LIMK2: variants seen among roughly 807,000 people sequenced by gnomAD.
The protein encoded by LIMK2 is LIM domain kinase 2.
A neutral mutation model predicts 75.7 loss-of-function variants in LIMK2; 35 were observed. The observed-to-expected ratio is 0.46, with a 90% confidence interval of 0.35 to 0.61. LIMK2 has a LOEUF of 0.61. Among genes scored for constraint, LIMK2 ranks in the 20% least tolerant of loss-of-function variants. The probability of loss-of-function intolerance (pLI) is 0.00; values close to 1 mark genes in which losing one functional copy is unlikely to be tolerated. For synonymous variants in LIMK2, 301 were observed against 319.2 expected (o/e 0.94, Z 0.61); for missense variants, 623 against 831.0 (o/e 0.75, Z 3.08).
intron 2 of LIMK2, 107 bp downstream of exon 2, chr22:31,225,926 CT>C: frequency 1.2e-6 from 1 of 860,458 alleles, no homozygotes; most frequent in Non-Finnish European, 1.9e-6. Context: ...GAATTTCAAT[CT>C]TAGGGTGGGG....
In LIMK2 at chr22:31,262,803, C is replaced by A; in HGVS notation, c.854+12C>A. 6.4e-7 allele frequency: 1 copy of A among 1,574,216 alleles called. No individual in the cohort carries two copies. The highest frequency in any genetic ancestry group is 8.6e-7 in the Non-Finnish European group (1 of 1,157,266). The stretch of plus-strand genomic sequence containing the variant: ...AGACGTTCCCTAAGGTGCCACCTCC[C>A]ACCCTGGCTCTGTTCTGTCCTATGT... On this transcript the variant is annotated intron_variant, in intron 7 of 15. Transcript: ENST00000331728. The surrounding 1 kb of genome is among the most constrained non-coding windows in gnomAD (Gnocchi z 5.0).
rs1356597041 is a variant in LIMK2, at chr22:31,275,155, T to C, written c.1619T>C (p.Ile540Thr). Residue 540 changes from isoleucine to threonine, a missense_variant, in exon 15 of 16, where the codon ATT becomes ACT. Physicochemically the swap from Ile to Thr is moderately conservative, Grantham distance 89. Around this residue, in one of 3 missense-constraint regions of LIMK2, gnomAD observed 63 missense variants for 122.8 expected, o/e 0.51. Coordinates refer to ENST00000331728, the MANE Select transcript of LIMK2 (RefSeq NM_005569.4). ...FSFGIVLCEI[I>T]GQVYADPDCL... ...AGCTGTCTTCTTACCCTACAGATCA[T>C]TGGGCAGGTGTATGCAGATCCTGAC... 1.4e-5 allele frequency: 22 copies of C among 1,614,188 alleles called. No individual in the cohort carries two copies. Among genetic ancestry groups the C allele is most frequent in the Non-Finnish European group, 1.7e-5 (20 of 1,180,024 alleles).
rs564415064 is a variant in LIMK2 at position 31,271,731 on chromosome 22, C to T, written c.1383+530C>T. Among the ~76,000 whole-genome samples the T allele has an allele frequency of 1.6e-4, 24 of 152,292 alleles. No individual in the cohort carries two copies. The South Asian group carries it at 3.7e-3, about 24-fold the overall frequency. On this transcript the variant is annotated intron_variant, in intron 12 of 15. Transcript: ENST00000331728. ...GGCTCTGCCCTCTAGACCCACACCA[C>T]GCAATCTTCATTCCTTTCCCACATG...
At chr22:31,241,894 C>G (rs1229038806) in intron 2 of LIMK2, among the ~76,000 whole-genome samples, 1 of 152,052 alleles carries the variant, frequency 6.6e-6, no homozygotes, top group Non-Finnish European at 1.5e-5. Context: ...ACAAGGGAAG[C>G]CCAGAGATGT....
intron 7 of LIMK2, among the ~76,000 whole-genome samples, chr22:31,263,277 A>G (rs1038845258): frequency 6.6e-6 from 1 of 152,214 alleles, no homozygotes; most frequent in African/African-American, 2.4e-5. Flanking sequence ...GGAAGCCCCA[A>G]GTAGGGAGAC....
chr22:31,262,099 C>A lies in LIMK2; in HGVS notation c.552-35C>A. The A allele has an allele frequency of 6.4e-7, 1 of 1,551,836 alleles. No homozygotes were observed. Among genetic ancestry groups the A allele is most frequent in the Non-Finnish European group, 8.9e-7 (1 of 1,123,286 alleles). ...GAATTGGTCAAGCAGGTTTTTAGGA[C>A]ATCTTTACCCTGCCTCAACTCTTGT... On this transcript the variant is annotated intron_variant, in intron 5 of 15. Coordinates refer to ENST00000331728, the MANE Select transcript of LIMK2 (RefSeq NM_005569.4). This position sits in a 1 kb window ranked among gnomAD's most constrained non-coding sequence, Gnocchi z 5.0.
chr22:31,222,181 C>T (rs2048439702), intron 1 of LIMK2, among the ~76,000 whole-genome samples: 1 of 151,688 alleles, frequency 6.6e-6, no homozygotes, highest in South Asian at 2.1e-4. Context: ...AGCCATTCTC[C>T]TGCCTCAGCC....
chr22:31,218,896 T>C (rs2048410033), intron 1 of LIMK2, among the ~76,000 whole-genome samples: 1 of 152,146 alleles, frequency 6.6e-6, no homozygotes, highest in Admixed American at 6.5e-5. Flanking sequence ...AATGAAAGGA[T>C]AGGATGTTGA....
chr22:31,215,696 G>T (rs1035378182), intron 1 of LIMK2, among the ~76,000 whole-genome samples: 3 of 152,122 alleles, frequency 2.0e-5, no homozygotes, highest in African/African-American at 7.2e-5. Flanking sequence ...TTACTGTCTA[G>T]TTAAGGTAAT....
chr22:31,276,826 G>A lies in LIMK2; in HGVS notation c.1773-1471G>A, dbSNP rs375279810. ...GGCCGCAGGAGAGGGCCCGGGCTGC[G>A]CGGATGATGAGGGCCCAGTGAGGCG... On this transcript the variant is annotated intron_variant, in intron 15 of 15. Transcript: ENST00000331728. 219 of 1,611,774 alleles carry A rather than the reference G, an allele frequency of 1.4e-4. 6 individuals are homozygous for A. In the South Asian group the frequency reaches 2.2e-3, roughly 17 times the overall value.
At position 31,279,347 on chromosome 22, in the gene LIMK2, T is replaced by C. The variant is rs1170907933; in HGVS notation, c.*906T>C. 6.6e-6 allele frequency: 1 copy of C among 152,254 alleles called. No individual in the cohort carries two copies. The highest frequency in any genetic ancestry group is 6.6e-5 in the Admixed American group (1 of 15,266). The allele number at this position is 152,254 out of a possible 1,614,324, so 9.4% of individuals were successfully genotyped here. Reference sequence around the variant, plus strand: ...ATGGGTTCTGGAGGACAGTGTGGCTTGTCACAGGCCTAGAGTCTGAGGGAG... The same window carrying C: ...ATGGGTTCTGGAGGACAGTGTGGCTCGTCACAGGCCTAGAGTCTGAGGGAG... On this transcript the variant is annotated 3_prime_UTR_variant, in exon 16 of 16. Transcript: ENST00000331728.
At chr22:31,267,621 T>C (rs768720911) in intron 9 of LIMK2, among the ~76,000 whole-genome samples, 155 bp from the exon 10 acceptor site, 3 of 152,232 alleles carry the variant, frequency 2.0e-5, no homozygotes, top group African/African-American at 4.8e-5. Context: ...GGTGGTGGTC[T>C]TCCCTCATCC....
chr22:31,212,499 C>T (rs976731813), intron 1 of LIMK2, 75 bp downstream of exon 1: 31 of 1,297,854 alleles, frequency 2.4e-5, no homozygotes, highest in Middle Eastern at 4.1e-4. Context: ...GGGAAACCGG[C>T]TGTCTCTCGG....
At chr22:31,244,797 GGGCTT>G (rs1404494624) in intron 2 of LIMK2, among the ~76,000 whole-genome samples, 1 of 152,176 alleles carries the variant, frequency 6.6e-6, no homozygotes, top group Non-Finnish European at 1.5e-5. Context: ...TTTGTGCCAA[GGGCTT>G]ACATGCAGTG....
intron 2 of LIMK2, among the ~76,000 whole-genome samples, chr22:31,232,594 T>C (rs1365147367): frequency 6.6e-6 from 1 of 152,144 alleles, no homozygotes; most frequent in Non-Finnish European, 1.5e-5. Context: ...TAGCCTGGCC[T>C]CTTAATTAAT....
At chr22:31,277,739 G>T (rs1800090722) in intron 15 of LIMK2, 3 of 160,678 alleles carry the variant, frequency 1.9e-5, no homozygotes, top group Non-Finnish European at 4.0e-5. Context: ...TTCTAGCATG[G>T]TATCTACTGT....
intron 15 of LIMK2, chr22:31,276,852 C>A (rs747485236): frequency 6.2e-7 from 1 of 1,612,094 alleles, no homozygotes; most frequent in South Asian, 1.1e-5. Flanking sequence ...CAGTGAGGCG[C>A]CAAGGGAAGG....
intron 2 of LIMK2, among the ~76,000 whole-genome samples, chr22:31,228,171 C>T (rs1466501543): frequency 2.0e-5 from 3 of 152,056 alleles, no homozygotes; most frequent in Non-Finnish European, 4.4e-5. Flanking sequence ...AATCCCAGCA[C>T]TTTGGGAGGC....
chr22:31,243,016 G>A (rs544284723), intron 2 of LIMK2, among the ~76,000 whole-genome samples: 52 of 152,280 alleles, frequency 3.4e-4, no homozygotes, highest in African/African-American at 1.2e-3. Flanking sequence ...TCCGCCTCCC[G>A]GGTTCAAGCG....
Sources: gnomAD v4.1 joint callset for allele counts (sites outside exome capture counted in the v4.1 genomes callset) on GRCh38, gnomAD v4.1.1 for gene constraint, gnomAD v4.1.1 regional missense constraint, Gnocchi (gnomAD v3.1) non-coding constraint, MANE v1.5 for transcripts, NCBI Gene and HGNC (gene_info 2026-07-23, HGNC 2026-07-21) for gene names.